Variants in KCNK2 observed in about 807,000 individuals in gnomAD.
KCNK2 encodes the protein potassium two pore domain channel subfamily K member 2.
In KCNK2, 21 loss-of-function variants were observed where a neutral mutation model predicts 40.5. The observed-to-expected ratio is 0.52, with a 90% CI of 0.37 to 0.75. The LOEUF (loss-of-function observed/expected upper bound fraction) is 0.75. Ranked by LOEUF, KCNK2 falls within the 30% of genes least tolerant of loss-of-function variation. The pLI is 0.00. For missense variants in KCNK2, 399 were observed against 531.6 expected (o/e 0.75, Z 2.45); for synonymous variants, 191 against 202.2 (o/e 0.94, Z 0.47).
At chr1:215,198,454 TATC>T (rs1430387048) in intron 6 of KCNK2, among the ~76,000 whole-genome samples, 1 of 152,206 alleles carries the variant, frequency 6.6e-6, no homozygotes, top group African/African-American at 2.4e-5. Context: ...TTCAAAATAT[TATC>T]ATGGCCAAAG....
intron 1 of KCNK2, among the ~76,000 whole-genome samples, chr1:215,076,233 G>T (rs951749706): frequency 6.6e-6 from 1 of 152,122 alleles, no homozygotes; most frequent in African/African-American, 2.4e-5. Context: ...AAACTTTATA[G>T]TCTGGCTTGG....
chr1:215,083,203 C>CCCCCCT lies in KCNK2; in HGVS notation c.-183_-182insCCCCCT. On this transcript the variant is annotated 5_prime_UTR_variant, in exon 1 of 7. Transcript: ENST00000444842. ...TCGTTTCTTCTCACGCTCCCCCCCC[C>CCCCCCT]GCCCCCTCCCGCGTCCAGCCCCGCT... 1.2e-5 allele frequency: 10 copies of CCCCCCT among 804,902 alleles called. No homozygotes were observed. The highest frequency in any genetic ancestry group is 4.6e-5 in the South Asian group (3 of 65,590). The allele number at this position is 804,902 out of a possible 1,614,324, so 49.9% of individuals were successfully genotyped here. A position where few individuals can be genotyped will look rare whatever the true frequency, so the allele number is the denominator to read the frequency against.
chr1:215,033,292 A>G (rs1657269714), intron 1 of KCNK2, among the ~76,000 whole-genome samples: 1 of 151,638 alleles, frequency 6.6e-6, no homozygotes, highest in Non-Finnish European at 1.5e-5. Flanking sequence ...CTTCAATTAG[A>G]GTCCTCAGCA....
intron 2 of KCNK2, among the ~76,000 whole-genome samples, chr1:215,092,296 G>A (rs1248294821): frequency 6.6e-6 from 1 of 152,144 alleles, no homozygotes; most frequent in Admixed American, 6.5e-5. Flanking sequence ...ACAGAATGGG[G>A]CTCCCACTTT....
intron 5 of KCNK2, among the ~76,000 whole-genome samples, chr1:215,173,623 C>T (rs1302583362): frequency 1.5e-4 from 23 of 152,314 alleles, no homozygotes; most frequent in Non-Finnish European, 2.2e-4. Context: ...ATATCCTCTC[C>T]AGCACCTGTT....
intron 2 of KCNK2, among the ~76,000 whole-genome samples, chr1:215,112,259 G>C (rs1383532195): frequency 6.6e-6 from 1 of 151,318 alleles, no homozygotes; most frequent in African/African-American, 2.4e-5. Context: ...GGTGGAAGAC[G>C]GTAGTATTGA....
At chr1:215,163,829 T>G (rs1195757667) in intron 3 of KCNK2, among the ~76,000 whole-genome samples, 1 of 152,188 alleles carries the variant, frequency 6.6e-6, no homozygotes, top group Non-Finnish European at 1.5e-5. Flanking sequence ...GTCAGTATTT[T>G]ATTGAGGATT....
chr1:215,222,018 G>A (rs1422660935), intron 6 of KCNK2, among the ~76,000 whole-genome samples: 1 of 152,180 alleles, frequency 6.6e-6, no homozygotes, highest in Admixed American at 6.5e-5. Context: ...GAGCAGGCAT[G>A]TCACATGGCA....
intron 6 of KCNK2, among the ~76,000 whole-genome samples, chr1:215,204,420 T>C (rs1021235970): frequency 6.6e-5 from 10 of 152,094 alleles, no homozygotes; most frequent in Non-Finnish European, 1.5e-5. Flanking sequence ...AATAAGTTAA[T>C]AGTTTCTGTC....
chr1:215,104,785 A>C (rs921383105), intron 2 of KCNK2, among the ~76,000 whole-genome samples: 1 of 152,114 alleles, frequency 6.6e-6, no homozygotes, highest in African/African-American at 2.4e-5. Context: ...AATGAATGAA[A>C]ATTTTATGAA....
intron 5 of KCNK2, among the ~76,000 whole-genome samples, chr1:215,188,566 A>G (rs1350894855): frequency 1.3e-5 from 2 of 152,168 alleles, no homozygotes; most frequent in Non-Finnish European, 2.9e-5. Flanking sequence ...GAAAACATAA[A>G]TCTCTTTAAA....
intron 3 of KCNK2, among the ~76,000 whole-genome samples, chr1:215,162,896 G>T (rs570238041): frequency 7.3e-5 from 11 of 150,548 alleles, no homozygotes; most frequent in African/African-American, 2.4e-4. Flanking sequence ...TATTAGGATC[G>T]TCTTGGCTAT....
chr1:215,110,027 A>C (rs1442516603), intron 2 of KCNK2, among the ~76,000 whole-genome samples: 1 of 152,028 alleles, frequency 6.6e-6, no homozygotes, highest in Non-Finnish European at 1.5e-5. Context: ...TCTTTTGAGA[A>C]ATGTCTATTT....
chr1:215,115,288 G>A (rs1300059049), intron 2 of KCNK2, among the ~76,000 whole-genome samples: 3 of 151,904 alleles, frequency 2.0e-5, no homozygotes, highest in Non-Finnish European at 4.4e-5. Flanking sequence ...TAAGTGCATT[G>A]GGAAATCAAA....
chr1:215,136,115 T>C (rs1018514961), intron 3 of KCNK2, among the ~76,000 whole-genome samples: 4 of 152,060 alleles, frequency 2.6e-5, no homozygotes, highest in African/African-American at 9.7e-5. Flanking sequence ...ACCTTTTTTT[T>C]ACTTCTGGAG....
chr1:215,225,218 C>G (rs1366989715), intron 6 of KCNK2, among the ~76,000 whole-genome samples: 1 of 141,926 alleles, frequency 7.0e-6, no homozygotes, highest in Non-Finnish European at 1.5e-5. Context: ...AAGCTGTAAT[C>G]AGTTGGTAAA....
At chr1:215,138,214 C>G (rs1313162049) in intron 3 of KCNK2, among the ~76,000 whole-genome samples, 1 of 152,126 alleles carries the variant, frequency 6.6e-6, no homozygotes, top group African/African-American at 2.4e-5. Flanking sequence ...AAATCTCATT[C>G]TACTGCTTAG....
intron 3 of KCNK2, among the ~76,000 whole-genome samples, chr1:215,130,960 ACG>A (rs1661645490): frequency 6.6e-6 from 1 of 151,654 alleles, no homozygotes; most frequent in Admixed American, 6.6e-5. Flanking sequence ...TCCCAGGTTC[ACG>A]CCATTCTCCT....
At chr1:215,023,851 C>T (rs1018263988) in intron 1 of KCNK2, among the ~76,000 whole-genome samples, 2 of 152,172 alleles carry the variant, frequency 1.3e-5, no homozygotes, top group Non-Finnish European at 2.9e-5. Flanking sequence ...CAACCTAAAT[C>T]CTACATTATA....
Sources: allele counts gnomAD v4.1 joint callset (sites outside exome capture counted in the v4.1 genomes callset), GRCh38; gene constraint gnomAD v4.1.1; transcripts MANE v1.5; gene names NCBI Gene and HGNC (gene_info 2026-07-23, HGNC 2026-07-21).